Variants in FHIT observed in about 807,000 individuals in gnomAD.
The protein encoded by FHIT is bis(5'-adenosyl)-triphosphatase.
FHIT carries 19 observed loss-of-function variants against 17.9 expected under a neutral mutation model. The observed-to-expected ratio is 1.06, with a 90% confidence interval of 0.74 to 1.56. FHIT has a LOEUF of 1.56. FHIT is among the 40% of genes most tolerant of loss of function. The pLI is 0.00. For missense variants in FHIT, 248 were observed against 189.2 expected (o/e 1.31, Z -1.82); for synonymous variants, 81 against 69.7 (o/e 1.16, Z -0.81).
chr3:60,641,918 G>A (rs1224401414), intron 4 of FHIT, among the ~76,000 whole-genome samples: 2 of 151,844 alleles, frequency 1.3e-5, no homozygotes, highest in Non-Finnish European at 2.9e-5. Flanking sequence ...AATGCCTTTA[G>A]TATCCTGGGC....
At chr3:60,292,083 G>T (rs565658768) in intron 5 of FHIT, among the ~76,000 whole-genome samples, 1 of 152,164 alleles carries the variant, frequency 6.6e-6, no homozygotes, top group East Asian at 1.9e-4. Flanking sequence ...TCAACTAGAC[G>T]TGAGAGCCAC....
intron 4 of FHIT, among the ~76,000 whole-genome samples, chr3:60,752,101 A>T (rs1553717000): frequency 1.3e-5 from 2 of 152,280 alleles, no homozygotes; most frequent in African/African-American, 4.8e-5. Context: ...TTTGTTGGGA[A>T]ATTTGCAAAG....
At chr3:61,243,601 A>G (rs1430941816) in intron 1 of FHIT, among the ~76,000 whole-genome samples, 6 of 152,198 alleles carry the variant, frequency 3.9e-5, no homozygotes, top group Admixed American at 3.9e-4. Flanking sequence ...AGTAAAAATG[A>G]GTGGTATTTT....
In FHIT at chr3:60,776,455, A is replaced by G. The variant is rs147482013; in HGVS notation, c.-18+45464T>C. ...AGAAATAGAAACAGTCTTAAAAACT[A>G]TTGGTCAAATGCAGGTATTATCAAA... On this transcript the variant is annotated intron_variant, in intron 4 of 9. Coordinates refer to ENST00000492590, the MANE Select transcript of FHIT (RefSeq NM_002012.4). 1.4e-3 allele frequency among the ~76,000 whole-genome samples: 212 copies of G among 152,332 alleles called. 1 individual carries two copies. Among genetic ancestry groups the G allele is most frequent in the African/African-American group, 5.1e-3 (210 of 41,578 alleles).
chr3:59,904,865 T>G (rs1249438085), intron 8 of FHIT, among the ~76,000 whole-genome samples: 4 of 152,250 alleles, frequency 2.6e-5, no homozygotes, highest in Admixed American at 6.5e-5. Flanking sequence ...AAGTGCCTGC[T>G]GATTTGTTTG....
At chr3:60,377,648 A>ATTTTT (rs1238203108) in intron 5 of FHIT, among the ~76,000 whole-genome samples, 12 of 139,370 alleles carry the variant, frequency 8.6e-5, no homozygotes, top group African/African-American at 3.2e-4. Context: ...CGCCCGGCTA[A>ATTTTT]TTTTTTGTAT....
chr3:60,782,171 G>T (rs1700413015), intron 4 of FHIT, among the ~76,000 whole-genome samples: 2 of 151,310 alleles, frequency 1.3e-5, no homozygotes, highest in Non-Finnish European at 2.9e-5. Flanking sequence ...CACCCATGTG[G>T]TCAAAAATGG....
intron 4 of FHIT, among the ~76,000 whole-genome samples, chr3:60,795,864 T>C (rs537632475): frequency 6.6e-6 from 1 of 152,290 alleles, no homozygotes; most frequent in East Asian, 1.9e-4. Context: ...GTAAGTGAAT[T>C]TCATTGCTTG....
chr3:61,072,272 C>G (rs893669166), intron 2 of FHIT, among the ~76,000 whole-genome samples: 2 of 152,156 alleles, frequency 1.3e-5, no homozygotes, highest in Admixed American at 6.5e-5. Context: ...CTGCCCACAA[C>G]CTATACCCAG....
intron 8 of FHIT, among the ~76,000 whole-genome samples, chr3:59,837,124 A>G (rs1701365381): frequency 6.6e-6 from 1 of 152,168 alleles, no homozygotes; most frequent in Non-Finnish European, 1.5e-5. Flanking sequence ...AATTCTCAGA[A>G]CACATTATTC....
chr3:61,033,717 T>A (rs1384150922), intron 3 of FHIT, among the ~76,000 whole-genome samples: 1 of 152,228 alleles, frequency 6.6e-6, no homozygotes, highest in East Asian at 1.9e-4. Context: ...CCACTTTATG[T>A]CTGTTTTTAA....
intron 4 of FHIT, among the ~76,000 whole-genome samples, chr3:60,572,385 A>T (rs1051576210): frequency 6.6e-6 from 1 of 152,202 alleles, no homozygotes; most frequent in African/African-American, 2.4e-5. Flanking sequence ...TCTGTTTTAT[A>T]ATATTTATTG....
intron 4 of FHIT, among the ~76,000 whole-genome samples, chr3:60,668,260 G>A (rs542219423): frequency 1.3e-5 from 2 of 151,296 alleles, no homozygotes; most frequent in Non-Finnish European, 2.9e-5. Context: ...GGCTGAGGGA[G>A]AGCAGAGTCC....
chr3:60,923,413 G>A (rs1421795132), intron 3 of FHIT, among the ~76,000 whole-genome samples: 2 of 152,196 alleles, frequency 1.3e-5, no homozygotes, highest in East Asian at 1.9e-4. Flanking sequence ...GGGCTACTGT[G>A]AGGATGAAAT....
intron 2 of FHIT, among the ~76,000 whole-genome samples, chr3:61,113,758 T>A (rs2886257): frequency 0.64 from 97,061 of 152,048 alleles, 31,886 homozygotes; most frequent in South Asian, 0.73. Context: ...TAACACATGA[T>A]ATACAGCGGA....
rs565282485 is a variant in FHIT, at chr3:60,645,478, G to C, written c.-17-108499C>G. ...TCTTAATGCCTCCTATTGGGGTTTT[G>C]GGTTACAAGATAGTACACTCTACTT... On this transcript the variant is annotated intron_variant, in intron 4 of 9. Coordinates refer to ENST00000492590, the MANE Select transcript of FHIT (RefSeq NM_002012.4). Among the ~76,000 whole-genome samples, 7 of 152,242 alleles carry C rather than the reference G, an allele frequency of 4.6e-5. 1 individual carries two copies. The East Asian group carries it at 7.7e-4, about 17-fold the overall frequency.
intron 5 of FHIT, among the ~76,000 whole-genome samples, chr3:60,072,030 G>A (rs2106980624): frequency 6.6e-6 from 1 of 152,192 alleles, no homozygotes; most frequent in Admixed American, 6.5e-5. Context: ...GATTTACCAA[G>A]TCTCAGGTTT....
chr3:60,187,648 A>G (rs1702213878), intron 5 of FHIT, among the ~76,000 whole-genome samples: 1 of 152,170 alleles, frequency 6.6e-6, no homozygotes, highest in Non-Finnish European at 1.5e-5. Flanking sequence ...ACTGAACAAC[A>G]AGCAGCAAAT....
intron 5 of FHIT, among the ~76,000 whole-genome samples, chr3:60,185,047 G>C (rs1702100575): frequency 6.6e-6 from 1 of 151,986 alleles, no homozygotes; most frequent in Admixed American, 6.6e-5. Context: ...TATATTTCTT[G>C]CTGAAGTCCC....
Sources: allele counts gnomAD v4.1 joint callset (sites outside exome capture counted in the v4.1 genomes callset), GRCh38; gene constraint gnomAD v4.1.1; transcripts MANE v1.5; gene names NCBI Gene and HGNC (gene_info 2026-07-23, HGNC 2026-07-21).